Variants in NALCN observed in about 807,000 individuals in gnomAD.
The protein encoded by NALCN is sodium leak channel, non-selective, also known as sodium leak channel NALCN.
Under a neutral mutation model 225.3 loss-of-function variants are expected in NALCN, and 111 were observed. The ratio of observed to expected loss-of-function variants is 0.49; its 90% CI spans 0.42 to 0.58. NALCN has a LOEUF of 0.58. Among genes scored for constraint, NALCN ranks in the 20% least tolerant of loss-of-function variants. NALCN has a pLI of 0.00. For synonymous variants in NALCN, 764 were observed against 769.0 expected (o/e 0.99, Z 0.11); for missense variants, 1,378 against 2,202.4 (o/e 0.63, Z 7.49).
At chr13:101,216,222 C>T (rs1472064674) in intron 13 of NALCN, among the ~76,000 whole-genome samples, 1 of 151,992 alleles carries the variant, frequency 6.6e-6, no homozygotes, top group African/African-American at 2.4e-5. Context: ...TTAGGTAACT[C>T]TCATAAACAT....
chr13:101,363,164 C>T (rs532354761), intron 6 of NALCN, among the ~76,000 whole-genome samples: 13 of 152,092 alleles, frequency 8.5e-5, no homozygotes, highest in African/African-American at 2.9e-4. Context: ...CAACACTACC[C>T]GAAGCAATCT....
chr13:101,055,333 CCA>C lies in NALCN; in HGVS notation c.5177_5178del (p.Val1726GlyfsTer8). ...VKKWWTRQLT[V>X]ESDESGDDLL... ...AGGTCATCCCCACTTTCGTCGCTCTCCACAGTCAGCTGCCGGGTCCACCACTT... is the reference window on the plus strand; with the variant it reads ...AGGTCATCCCCACTTTCGTCGCTCTCCAGTCAGCTGCCGGGTCCACCACTT... On this transcript the variant is annotated frameshift_variant, in exon 44 of 44. Transcript: ENST00000251127. LOFTEE classifies it high-confidence loss of function. The C allele has an allele frequency of 6.2e-7, 1 of 1,614,062 alleles. No individual in the cohort carries two copies. The highest frequency in any genetic ancestry group is 8.5e-7 in the Non-Finnish European group (1 of 1,179,968).
At chr13:101,115,621 A>C (rs1388203277) in intron 18 of NALCN, among the ~76,000 whole-genome samples, 1 of 152,152 alleles carries the variant, frequency 6.6e-6, no homozygotes, top group Non-Finnish European at 1.5e-5. Flanking sequence ...GCCACTTTAC[A>C]TTTTTCATTA....
chr13:101,365,144 C>T (rs1446350546), intron 6 of NALCN, among the ~76,000 whole-genome samples: 2 of 152,140 alleles, frequency 1.3e-5, no homozygotes, highest in Non-Finnish European at 2.9e-5. Context: ...TTTCGCCACT[C>T]AGCTAATAAG....
intron 30 of NALCN, among the ~76,000 whole-genome samples, chr13:101,087,439 T>C (rs1373363439): frequency 6.6e-6 from 1 of 150,916 alleles, no homozygotes; most frequent in African/African-American, 2.4e-5. Flanking sequence ...GATTGAATAA[T>C]GTATAAATGC....
intron 13 of NALCN, among the ~76,000 whole-genome samples, chr13:101,226,434 C>T (rs530524588): frequency 6.6e-6 from 1 of 152,308 alleles, no homozygotes; most frequent in South Asian, 2.1e-4. Flanking sequence ...ATAAATCTGT[C>T]TTTTACTGTT....
Position 101,292,105 on chromosome 13 carries a change from T to A in NALCN, c.943-11A>T. On this transcript the variant is annotated splice_polypyrimidine_tract_variant and intron_variant, in intron 8 of 43. Transcript: ENST00000251127. This position sits in a 1 kb window ranked among gnomAD's most constrained non-coding sequence, Gnocchi z 4.3. ...AGCAATAAACACGTTCTGAAAAAAA[T>A]CACAAACCACATTTACCAAAGTCTA... 6.2e-7 allele frequency: 1 copy of A among 1,613,540 alleles called. No homozygotes were observed. Among genetic ancestry groups the A allele is most frequent in the South Asian group, 1.1e-5 (1 of 91,036 alleles).
At position 101,229,830 on chromosome 13, in the gene NALCN, C is replaced by T. The variant is rs7326909; in HGVS notation, c.1435-246G>A. ...TTATACAAAATGATATTCACTAGTA[C>T]GTATTGTTGAAATAAAATTAATATT... On this transcript the variant is annotated intron_variant, in intron 12 of 43. Coordinates refer to ENST00000251127, the MANE Select transcript of NALCN (RefSeq NM_052867.4). Among the ~76,000 whole-genome samples, 41,143 of 151,950 alleles carry T rather than the reference C, an allele frequency of 0.27. 6,595 individuals carry two copies. Among genetic ancestry groups the T allele is most frequent in the Non-Finnish European group, 0.37 (24,853 of 67,960 alleles).
intron 6 of NALCN, among the ~76,000 whole-genome samples, chr13:101,359,027 C>G (rs115643026): frequency 0.031 from 4,754 of 150,960 alleles, 257 homozygotes; most frequent in African/African-American, 0.11. Flanking sequence ...GGGTCTGTCG[C>G]GGGGTGAGGG....
chr13:101,302,850 T>C (rs2139104773), intron 7 of NALCN, among the ~76,000 whole-genome samples: 1 of 145,534 alleles, frequency 6.9e-6, no homozygotes, highest in East Asian at 2.0e-4. Flanking sequence ...TTCCAAAGCC[T>C]GAAAACATGT....
At chr13:101,379,356 C>A (rs574518150) in intron 3 of NALCN, among the ~76,000 whole-genome samples, 2 of 152,172 alleles carry the variant, frequency 1.3e-5, no homozygotes, top group South Asian at 4.1e-4. Flanking sequence ...CCTAGCAATC[C>A]CATTACTGGA....
intron 10 of NALCN, among the ~76,000 whole-genome samples, chr13:101,279,000 G>T (rs1240410273): frequency 1.3e-5 from 2 of 152,148 alleles, no homozygotes; most frequent in Non-Finnish European, 2.9e-5. Context: ...ACTGTTCTCG[G>T]TTAATAAACA....
At position 101,354,088 on chromosome 13, in the gene NALCN, A is replaced by G. The variant is rs372201557; in HGVS notation, c.645-8668T>C. Among the ~76,000 whole-genome samples, 10 of 152,330 alleles carry G rather than the reference A, an allele frequency of 6.6e-5. No homozygotes were observed. In the East Asian group the frequency reaches 1.5e-3, roughly 24 times the overall value. ...GTCGGGTGCAGTGGCTCACGCCTGCAATCCCAGCACTTTGGGAGGCCGAGG... is the reference window on the plus strand; with the variant it reads ...GTCGGGTGCAGTGGCTCACGCCTGCGATCCCAGCACTTTGGGAGGCCGAGG... On this transcript the variant is annotated intron_variant, in intron 6 of 43. Transcript: ENST00000251127.
intron 7 of NALCN, among the ~76,000 whole-genome samples, chr13:101,310,373 T>C (rs1265674676): frequency 6.6e-6 from 1 of 152,168 alleles, no homozygotes; most frequent in African/African-American, 2.4e-5. Flanking sequence ...GGCCTCCTCA[T>C]ATGAGGAGGA....
chr13:101,128,220 A>T (rs1160250474), intron 17 of NALCN, among the ~76,000 whole-genome samples: 1 of 152,264 alleles, frequency 6.6e-6, no homozygotes, highest in Non-Finnish European at 1.5e-5. Context: ...AACTGAAAAC[A>T]TCCAACTGCC....
chr13:101,400,584 C>T (rs199673265), intron 1 of NALCN, among the ~76,000 whole-genome samples: 146 of 110,478 alleles, frequency 1.3e-3, no homozygotes, highest in East Asian at 5.5e-3. Flanking sequence ...TGTGTGTGCA[C>T]GTGTGTGCGC....
At chr13:101,342,827 A>T (rs548758699) in intron 7 of NALCN, among the ~76,000 whole-genome samples, 3 of 152,042 alleles carry the variant, frequency 2.0e-5, no homozygotes, top group African/African-American at 7.2e-5. Flanking sequence ...CTACTCCATG[A>T]CTCTGGCTTT....
At chr13:101,187,400 T>C (rs985482253) in intron 14 of NALCN, among the ~76,000 whole-genome samples, 1 of 152,098 alleles carries the variant, frequency 6.6e-6, no homozygotes, top group Non-Finnish European at 1.5e-5. Flanking sequence ...CAATTATTAT[T>C]TGTTAACTAA....
intron 20 of NALCN, 128 bp from the exon 21 acceptor site, chr13:101,107,917 A>G (rs2035224224): frequency 2.7e-6 from 1 of 366,498 alleles, no homozygotes; most frequent in South Asian, 1.0e-4. Flanking sequence ...ACATATATTT[A>G]CTGTTAAACA....
Sources: allele counts gnomAD v4.1 joint callset (sites outside exome capture counted in the v4.1 genomes callset), GRCh38; gene constraint gnomAD v4.1.1; non-coding constraint Gnocchi (gnomAD v3.1); transcripts MANE v1.5; gene names NCBI Gene and HGNC (gene_info 2026-07-23, HGNC 2026-07-21).